The following PWWP2A variants were observed in gnomAD, a reference collection of about 807,000 sequenced individuals.
PWWP2A encodes the protein PWWP domain-containing protein 2A.
In PWWP2A, 18 loss-of-function variants were observed where a neutral mutation model predicts 48.5. The observed-to-expected ratio is 0.37, with a 90% CI of 0.26 to 0.55. PWWP2A has a LOEUF of 0.55. Ranked by LOEUF, PWWP2A falls within the 20% of genes least tolerant of loss-of-function variation. The pLI, the probability that PWWP2A is intolerant of heterozygous loss-of-function variation, is 0.81. For missense variants in PWWP2A, 867 were observed against 976.4 expected, an observed-to-expected ratio of 0.89 and a Z score of 1.49; for synonymous variants, 396 against 387.7, an observed-to-expected ratio of 1.02 and a Z score of -0.25.
At chr5:160,063,960 C>T (rs1753515413) in intron 4 of PWWP2A, among the ~76,000 whole-genome samples, 1 of 137,484 alleles carries the variant, frequency 7.3e-6, no homozygotes. Context: ...TGGCTATAGA[C>T]CATGACTTTT....
In PWWP2A at chr5:160,093,171, T is replaced by C. The variant is rs1755258759; in HGVS notation, c.1479A>G (p.Gly493=). 1 of 1,613,824 alleles carries C rather than the reference T, an allele frequency of 6.2e-7. No homozygotes were observed. The highest frequency in any genetic ancestry group is 8.5e-7 in the Non-Finnish European group (1 of 1,179,884). The change falls in exon 2 of 2, where the codon GGA becomes GGG. Residue 493 remains glycine, a synonymous_variant. Coordinates refer to ENST00000307063, the MANE Select transcript of PWWP2A (RefSeq NM_001130864.2). This position sits in a 1 kb window ranked among gnomAD's most constrained non-coding sequence, Gnocchi z 5.8. ...NEENDSSLKT[G]LEKMRSGKMA... ...TCTTGCCACTCCGCATTTTCTCAAG[T>C]CCTGTCTTCAGAGAAGAGTCATTTT...
chr5:160,090,233 C>A (rs573218627), downstream of PWWP2A: 323 of 985,126 alleles, frequency 3.3e-4, 4 homozygotes, highest in African/African-American at 5.3e-3. Flanking sequence ...TATGCCACAA[C>A]AGCACATTTA....
intron 2 of PWWP2A, chr5:160,066,909 G>C (rs1021150616): frequency 6.6e-6 from 1 of 151,996 alleles, no homozygotes; most frequent in Non-Finnish European, 1.5e-5. Flanking sequence ...TTAGCTAGGC[G>C]TAGCGGCTTC....
chr5:160,093,175 G>A lies in PWWP2A; in HGVS notation c.1475C>T (p.Thr492Ile), dbSNP rs555008097. 11 of 1,613,952 alleles carry A rather than the reference G, an allele frequency of 6.8e-6. No homozygotes were observed. Among genetic ancestry groups the A allele is most frequent in the African/African-American group, 6.7e-5 (5 of 75,010 alleles). The stretch of plus-strand genomic sequence containing the variant: ...GCCACTCCGCATTTTCTCAAGTCCT[G>A]TCTTCAGAGAAGAGTCATTTTCTTC... ...RNEENDSSLKTGLEKMRSGKM... is the reference protein window; with the variant it reads ...RNEENDSSLKIGLEKMRSGKM... The change falls in exon 2 of 2, where the codon ACA (threonine) becomes ATA (isoleucine). Residue 492 changes from threonine (T) to isoleucine (I), a missense_variant. Transcript: ENST00000307063. This position sits in a 1 kb window ranked among gnomAD's most constrained non-coding sequence, Gnocchi z 5.8.
chr5:160,055,186 T>A, the PWWP2A span, among the ~76,000 whole-genome samples: 2 of 152,220 alleles, frequency 1.3e-5, no homozygotes, highest in Non-Finnish European at 2.9e-5. Context: ...TTGCAAGTTA[T>A]TTTATCCCGT....
intron 1 of PWWP2A, among the ~76,000 whole-genome samples, chr5:160,105,137 C>T (rs1447671299): frequency 4.7e-5 from 7 of 147,944 alleles, no homozygotes; most frequent in Non-Finnish European, 8.9e-5. Context: ...ATTCAGAAGG[C>T]TGAGGCAGGA....
downstream of PWWP2A, among the ~76,000 whole-genome samples, chr5:160,058,891 C>G (rs73309388): frequency 0.013 from 1,943 of 152,254 alleles, 48 homozygotes; most frequent in African/African-American, 0.045. Flanking sequence ...AAGGAATCTT[C>G]TTTTCTGAAC....
At chr5:160,069,286 T>TC (rs1279645893) in intron 2 of PWWP2A, among the ~76,000 whole-genome samples, 4 of 141,088 alleles carry the variant, frequency 2.8e-5, no homozygotes, top group South Asian at 2.2e-4. Flanking sequence ...CCAACCTATC[T>TC]AAAAAAAAAA....
intron 1 of PWWP2A, chr5:160,108,700 G>A (rs930839270): frequency 3.5e-5 from 22 of 626,520 alleles, no homozygotes; most frequent in Non-Finnish European, 4.9e-5. Context: ...AGAACTTAGT[G>A]AAAACTGAAG....
At chr5:160,083,278 G>C (rs1314791111) in intron 2 of PWWP2A, among the ~76,000 whole-genome samples, 2 of 152,046 alleles carry the variant, frequency 1.3e-5, no homozygotes, top group Non-Finnish European at 2.9e-5. Flanking sequence ...TAAACTGTTG[G>C]GGGAGATGAC....
At chr5:160,085,982 C>A (rs187698470) in intron 2 of PWWP2A, among the ~76,000 whole-genome samples, 33 of 151,984 alleles carry the variant, frequency 2.2e-4, no homozygotes, top group African/African-American at 7.5e-4. Flanking sequence ...CCACGCCCAG[C>A]TCATTTTTGT....
At chr5:160,045,520 A>ACACACTCTCT in the PWWP2A span, among the ~76,000 whole-genome samples, 4 of 54,884 alleles carry the variant, frequency 7.3e-5, no homozygotes, top group African/African-American at 1.8e-4. Flanking sequence ...ACACATACAC[A>ACACACTCTCT]CTCTCTCTCT....
At chr5:160,111,186 A>G (rs1757530696) in intron 1 of PWWP2A, among the ~76,000 whole-genome samples, 1 of 151,936 alleles carries the variant, frequency 6.6e-6, no homozygotes, top group Non-Finnish European at 1.5e-5. Context: ...TATTTTTTTG[A>G]GACAGAGTTT....
At chr5:160,066,317 AG>A (rs951453189) in intron 4 of PWWP2A, among the ~76,000 whole-genome samples, 1 of 34,690 alleles carries the variant, frequency 2.9e-5, no homozygotes, top group Non-Finnish European at 5.9e-5. Flanking sequence ...TTTTTTTTTG[AG>A]GGGGGTCTCG....
the PWWP2A span, chr5:160,049,505 T>C: frequency 1.8e-4 from 282 of 1,557,006 alleles, no homozygotes; most frequent in Non-Finnish European, 2.4e-4. Flanking sequence ...ATTTCTTCTC[T>C]TTTTACAGCA....
At chr5:160,109,774 A>ATATATATATATATAT (rs1284977515) in intron 1 of PWWP2A, among the ~76,000 whole-genome samples, 6 of 25,222 alleles carry the variant, frequency 2.4e-4, no homozygotes, top group East Asian at 1.4e-3. Context: ...AAAAAAAAAA[A>ATATATATATATATAT]ATATATATAT....
chr5:160,058,292 A>T (rs1757598268), downstream of PWWP2A, among the ~76,000 whole-genome samples: 1 of 151,996 alleles, frequency 6.6e-6, no homozygotes, highest in African/African-American at 2.4e-5. Flanking sequence ...AACTTCCTCC[A>T]CTGAAGTCTT....
the PWWP2A span, among the ~76,000 whole-genome samples, chr5:160,055,766 G>A: frequency 3.3e-5 from 5 of 152,230 alleles, no homozygotes; most frequent in Admixed American, 6.5e-5. Context: ...TAAGAGGGGC[G>A]TTCAGCTCTG....
intron 2 of PWWP2A, among the ~76,000 whole-genome samples, chr5:160,067,717 A>G (rs1301537523): frequency 2.6e-5 from 4 of 152,204 alleles, no homozygotes; most frequent in Admixed American, 2.0e-4. Flanking sequence ...TAAGCCAAGG[A>G]GTTTTTATCT....
Sources: gnomAD v4.1 joint callset for allele counts (sites outside exome capture counted in the v4.1 genomes callset) on GRCh38, gnomAD v4.1.1 for gene constraint, Gnocchi (gnomAD v3.1) non-coding constraint, MANE v1.5 for transcripts, NCBI Gene and HGNC (gene_info 2026-07-23, HGNC 2026-07-21) for gene names.